RBFOX1: variants seen among roughly 807,000 people sequenced by gnomAD.
The protein encoded by RBFOX1 is RNA binding protein fox-1 homolog 1.
A neutral mutation model predicts 57.7 loss-of-function variants in RBFOX1; 8 were observed. The ratio of observed to expected loss-of-function variants is 0.14; its 90% CI spans 0.08 to 0.25. The LOEUF (loss-of-function observed/expected upper bound fraction) is 0.25. RBFOX1 is among the 10% of genes least tolerant of loss of function. RBFOX1 has a pLI of 1.00. For synonymous variants in RBFOX1, 326 were observed against 222.4 expected, an observed-to-expected ratio of 1.47 and a Z score of -4.15; for missense variants, 611 against 548.5, an observed-to-expected ratio of 1.11 and a Z score of -1.14.
intron 3 of RBFOX1, among the ~76,000 whole-genome samples, chr16:5,766,615 CAG>C (rs1390954282): frequency 1.3e-5 from 2 of 152,080 alleles, no homozygotes; most frequent in Non-Finnish European, 2.9e-5. Context: ...AAATGAAAAA[CAG>C]ATCTCTTGAC....
At chr16:7,662,730 C>T (rs1367550023) in intron 12 of RBFOX1, among the ~76,000 whole-genome samples, 1 of 152,218 alleles carries the variant, frequency 6.6e-6, no homozygotes, top group East Asian at 1.9e-4. Flanking sequence ...CACCGGGTCT[C>T]AAACATGGTG....
intron 4 of RBFOX1, among the ~76,000 whole-genome samples, chr16:7,380,480 T>G (rs1169183962): frequency 6.6e-6 from 1 of 152,230 alleles, no homozygotes; most frequent in Non-Finnish European, 1.5e-5. Context: ...ATAAATTATG[T>G]ACTTCAGTCT....
At position 5,592,348 on chromosome 16, in the gene RBFOX1, T is replaced by G. The variant is rs949360207; in HGVS notation, c.259-6554T>G. Among the ~76,000 whole-genome samples, 16 of 152,006 alleles carry G rather than the reference T, an allele frequency of 1.1e-4. 1 individual carries two copies. The highest frequency in any genetic ancestry group is 9.8e-4 in the Admixed American group (15 of 15,262). On this transcript the variant is annotated intron_variant, in intron 2 of 2. Coordinates refer to the RBFOX1 transcript ENST00000585867. The stretch of plus-strand genomic sequence containing the variant: ...TATATGCGCAGAATTTTAAATCTTT[T>G]GTTTTGAGGCTTTTGGTTTGGGGGT...
intron 14 of RBFOX1, among the ~76,000 whole-genome samples, chr16:7,705,242 C>T (rs1476554814): frequency 1.3e-5 from 2 of 151,984 alleles, no homozygotes; most frequent in Admixed American, 6.6e-5. Context: ...CATGGTGGCT[C>T]ATGCGTGTAA....
At chr16:6,779,273 C>T (rs1325401663) in intron 3 of RBFOX1, among the ~76,000 whole-genome samples, 1 of 152,034 alleles carries the variant, frequency 6.6e-6, no homozygotes, top group Non-Finnish European at 1.5e-5. Context: ...CAATATTTGT[C>T]TTTCTGTGCC....
At chr16:7,708,993 ATGATTG>A in intron 14 of RBFOX1, 57 bp from the exon 15 acceptor site, 1 of 1,487,810 alleles carries the variant, frequency 6.7e-7, no homozygotes, top group South Asian at 1.1e-5. Flanking sequence ...TTTGGATTTT[ATGATTG>A]TTATTGTTTT....
At chr16:7,228,040 T>A (rs1399722295) in intron 4 of RBFOX1, among the ~76,000 whole-genome samples, 5 of 152,138 alleles carry the variant, frequency 3.3e-5, no homozygotes, top group Non-Finnish European at 7.3e-5. Context: ...CAGGTTGTGA[T>A]GACCCGACTT....
At chr16:7,266,561 C>T (rs1259140307) in intron 4 of RBFOX1, among the ~76,000 whole-genome samples, 1 of 152,168 alleles carries the variant, frequency 6.6e-6, no homozygotes, top group Admixed American at 6.5e-5. Flanking sequence ...TCATCTAAAT[C>T]TAATCACCTC....
At chr16:6,673,857 A>G (rs2098783728) in intron 3 of RBFOX1, among the ~76,000 whole-genome samples, 1 of 152,214 alleles carries the variant, frequency 6.6e-6, no homozygotes, top group African/African-American at 2.4e-5. Context: ...AAAAGTAGTT[A>G]CAGATATTAA....
intron 4 of RBFOX1, among the ~76,000 whole-genome samples, chr16:7,145,985 C>T (rs1006002246): frequency 3.9e-5 from 6 of 152,178 alleles, no homozygotes; most frequent in Admixed American, 1.3e-4. Context: ...CTAGTCACCC[C>T]ATCTGTGTCC....
At chr16:7,361,252 A>C (rs1338506978) in intron 4 of RBFOX1, among the ~76,000 whole-genome samples, 2 of 151,968 alleles carry the variant, frequency 1.3e-5, no homozygotes, top group Non-Finnish European at 2.9e-5. Flanking sequence ...GTGTCATTGC[A>C]CACTTTGTAG....
intron 2 of RBFOX1, among the ~76,000 whole-genome samples, chr16:6,328,674 C>T (rs964318010): frequency 6.6e-6 from 1 of 152,134 alleles, no homozygotes; most frequent in African/African-American, 2.4e-5. Context: ...GCTCCAGTTT[C>T]ATCTTCTCTC....
intron 3 of RBFOX1, among the ~76,000 whole-genome samples, chr16:6,787,054 A>T (rs1169709804): frequency 3.3e-5 from 5 of 152,104 alleles, no homozygotes; most frequent in Admixed American, 1.3e-4. Context: ...GTTGATTTGA[A>T]TTTTGAATAC....
intron 2 of RBFOX1, among the ~76,000 whole-genome samples, chr16:6,582,782 C>T (rs1417515416): frequency 6.6e-6 from 1 of 150,882 alleles, no homozygotes; most frequent in African/African-American, 2.4e-5. Context: ...TTCCTCTTTC[C>T]CTTCCCTCCC....
intron 3 of RBFOX1, among the ~76,000 whole-genome samples, chr16:5,674,822 C>A (rs561410074): frequency 6.6e-6 from 1 of 152,076 alleles, no homozygotes; most frequent in South Asian, 2.1e-4. Flanking sequence ...TAATGCTGGT[C>A]TGGCGCACGT....
At chr16:5,814,968 T>C (rs1254576040) in intron 3 of RBFOX1, among the ~76,000 whole-genome samples, 1 of 151,720 alleles carries the variant, frequency 6.6e-6, no homozygotes, top group Non-Finnish European at 1.5e-5. Flanking sequence ...AAAAATTTTA[T>C]TCCTGACCTA....
chr16:6,588,601 G>A (rs775064109), intron 2 of RBFOX1, among the ~76,000 whole-genome samples: 6 of 152,094 alleles, frequency 3.9e-5, no homozygotes, highest in South Asian at 2.1e-4. Flanking sequence ...GCAGTGAGCC[G>A]AGATCATGCC....
chr16:7,362,548 G>T (rs1302480341), intron 4 of RBFOX1, among the ~76,000 whole-genome samples: 1 of 151,982 alleles, frequency 6.6e-6, no homozygotes, highest in Non-Finnish European at 1.5e-5. Context: ...GTAGATGTTA[G>T]TGTGTGGATG....
chr16:5,979,531 T>A (rs1421991454), intron 4 of RBFOX1, among the ~76,000 whole-genome samples: 1 of 152,208 alleles, frequency 6.6e-6, no homozygotes, highest in Non-Finnish European at 1.5e-5. Flanking sequence ...CCTCATGTAA[T>A]CCTTACATTC....
Sources: gnomAD v4.1 joint callset for allele counts (sites outside exome capture counted in the v4.1 genomes callset) on GRCh38, gnomAD v4.1.1 for gene constraint, MANE v1.5 for transcripts, NCBI Gene and HGNC (gene_info 2026-07-23, HGNC 2026-07-21) for gene names.